NAV2: variants seen among roughly 807,000 people sequenced by gnomAD.
NAV2 encodes neuron navigator 2, also known as helicase, APC down-regulated 1.
A neutral mutation model predicts 223.2 loss-of-function variants in NAV2; 54 were observed. The ratio of observed to expected loss-of-function variants is 0.24; its 90% CI spans 0.19 to 0.30. The LOEUF is 0.30. Among genes scored for constraint, NAV2 ranks in the 10% least tolerant of loss-of-function variants. The pLI, the probability that NAV2 is intolerant of heterozygous loss-of-function variation, is 1.00. For synonymous variants in NAV2, 1,279 were observed against 1,239.3 expected, an observed-to-expected ratio of 1.03 and a Z score of -0.67; for missense variants, 2,806 against 3,147.5, an observed-to-expected ratio of 0.89 and a Z score of 2.60.
At chr11:19,413,954 C>A (rs7396646) in intron 1 of NAV2, among the ~76,000 whole-genome samples, 105,964 of 151,812 alleles carry the variant, frequency 0.7, 37,021 homozygotes, top group Admixed American at 0.72. Context: ...AATACCAGTC[C>A]CTGCAAAAAC....
At chr11:19,877,811 A>G (rs571453317) in intron 4 of NAV2, among the ~76,000 whole-genome samples, 1 of 152,180 alleles carries the variant, frequency 6.6e-6, no homozygotes, top group Non-Finnish European at 1.5e-5. Context: ...GTCACTGCCC[A>G]GTTGGGTGAC....
At chr11:19,597,800 A>G (rs2046243170) in intron 1 of NAV2, among the ~76,000 whole-genome samples, 1 of 152,204 alleles carries the variant, frequency 6.6e-6, no homozygotes, top group Admixed American at 6.5e-5. Context: ...ATGCGTGAGG[A>G]ATGTCTGCAC....
At chr11:19,802,571 G>A (rs1427352344) in intron 1 of NAV2, among the ~76,000 whole-genome samples, 2 of 152,026 alleles carry the variant, frequency 1.3e-5, no homozygotes, top group African/African-American at 4.8e-5. Context: ...AAGCAATTAG[G>A]CCTTATAGTG....
chr11:19,557,088 C>T (rs2044919305), intron 1 of NAV2, among the ~76,000 whole-genome samples: 2 of 152,062 alleles, frequency 1.3e-5, no homozygotes, highest in African/African-American at 2.4e-5. Context: ...ATTAAATAAG[C>T]AAATGAACAA....
chr11:19,750,287 A>C lies in NAV2; in HGVS notation c.267+36325A>C, dbSNP rs182432697. Among the ~76,000 whole-genome samples, 10 of 152,272 alleles carry C rather than the reference A, an allele frequency of 6.6e-5. No individual in the cohort carries two copies. In the East Asian group the frequency reaches 1.9e-3, roughly 29 times the overall value. ...TTGGCAGAAATGGCCTTCGTTTCTA[A>C]AATGTTGATTAAAGACATTTTCTGA... On this transcript the variant is annotated intron_variant, in intron 1 of 37. Coordinates refer to ENST00000349880, the MANE Select transcript of NAV2 (RefSeq NM_145117.5).
intron 10 of NAV2, among the ~76,000 whole-genome samples, chr11:19,962,621 T>C (rs1241983053): frequency 6.6e-6 from 1 of 152,216 alleles, no homozygotes; most frequent in Non-Finnish European, 1.5e-5. Context: ...ATCCCTTCCT[T>C]CGTCCCCTGG....
intron 10 of NAV2, among the ~76,000 whole-genome samples, chr11:19,951,055 G>T (rs978764045): frequency 1.3e-5 from 2 of 152,138 alleles, no homozygotes; most frequent in African/African-American, 4.8e-5. Context: ...ATTTCCTTAT[G>T]CCCAGGCTTC....
chr11:19,803,379 C>T (rs2058375926), intron 1 of NAV2, among the ~76,000 whole-genome samples: 1 of 152,212 alleles, frequency 6.6e-6, no homozygotes, highest in Non-Finnish European at 1.5e-5. Context: ...ACGCCTCACA[C>T]TGCAGAGGTT....
chr11:19,934,358 G>T, intron 7 of NAV2, 81 bp downstream of exon 7: 1 of 1,441,654 alleles, frequency 6.9e-7, no homozygotes, highest in African/African-American at 1.4e-5. Flanking sequence ...TGTAAGGGCA[G>T]AAGCTAGACT....
chr11:19,782,394 T>G (rs1432879472), intron 1 of NAV2, among the ~76,000 whole-genome samples: 2 of 152,232 alleles, frequency 1.3e-5, no homozygotes, highest in African/African-American at 4.8e-5. Flanking sequence ...AATGACATTT[T>G]GAGGTAACAC....
intron 1 of NAV2, among the ~76,000 whole-genome samples, chr11:19,782,395 G>C (rs2056817216): frequency 6.6e-6 from 1 of 152,196 alleles, no homozygotes; most frequent in African/African-American, 2.4e-5. Flanking sequence ...ATGACATTTT[G>C]AGGTAACACA....
At chr11:20,066,542 A>T (rs1362808227) in intron 20 of NAV2, among the ~76,000 whole-genome samples, 1 of 152,182 alleles carries the variant, frequency 6.6e-6, no homozygotes, top group Non-Finnish European at 1.5e-5. Context: ...TGCTAGTAGG[A>T]GCCAACCTAG....
intron 1 of NAV2, among the ~76,000 whole-genome samples, chr11:19,442,299 C>T (rs528779821): frequency 2.0e-5 from 3 of 152,238 alleles, no homozygotes; most frequent in Non-Finnish European, 1.5e-5. Context: ...TTCCTATTTC[C>T]CCTGCTCATT....
In NAV2 at chr11:19,556,852, A is replaced by G. The variant is rs191634460; in HGVS notation, c.75+205825A>G. ...AAGCCAAAATTCATAATAAATGACC[A>G]TGCTGTATTTTGGTTAGATCATGAA... On this transcript the variant is annotated intron_variant, in intron 1 of 37. Coordinates refer to the NAV2 transcript ENST00000360655. Among the ~76,000 whole-genome samples, 144 of 152,328 alleles carry G rather than the reference A, an allele frequency of 9.5e-4. 1 individual carries two copies. The highest frequency in any genetic ancestry group is 7.8e-3 in the Admixed American group (120 of 15,304).
In NAV2 at chr11:20,103,646, T is replaced by C; in HGVS notation, c.6573-7T>C. ...CACAGCTTTCTTTTCCTTTATTTTA[T>C]CCGCAGCCCTTACATAATTGGCACA... On this transcript the variant is annotated splice_polypyrimidine_tract_variant and splice_region_variant and intron_variant, in intron 33 of 37. Transcript: ENST00000349880. 1 of 1,613,928 alleles carries C rather than the reference T, an allele frequency of 6.2e-7. No individual in the cohort carries two copies. Among genetic ancestry groups the C allele is most frequent in the Non-Finnish European group, 8.5e-7 (1 of 1,179,796 alleles).
chr11:19,810,206 G>C (rs527392495), intron 1 of NAV2, among the ~76,000 whole-genome samples: 4 of 152,256 alleles, frequency 2.6e-5, no homozygotes, highest in Non-Finnish European at 5.9e-5. Context: ...ATTATTTTGA[G>C]CTTGGTCAGC....
rs553143089 is a variant in NAV2, at chr11:19,801,560, AGT to A, written c.268-30922_268-30921del. ...AAGGCAGTTTCGGCCTCCACCTGAAAGTGGAAGTATAGGGTCAGGCACATGGA... is the reference window on the plus strand; with the variant it reads ...AAGGCAGTTTCGGCCTCCACCTGAAAGGAAGTATAGGGTCAGGCACATGGA... On this transcript the variant is annotated intron_variant, in intron 1 of 37. Coordinates refer to ENST00000349880, the MANE Select transcript of NAV2 (RefSeq NM_145117.5). Among the ~76,000 whole-genome samples the A allele has an allele frequency of 5.9e-5, 9 of 152,264 alleles. No individual in the cohort carries two copies. The East Asian group carries it at 1.7e-3, about 29-fold the overall frequency.
chr11:19,657,703 G>A (rs1252636340), intron 1 of NAV2, among the ~76,000 whole-genome samples: 1 of 152,154 alleles, frequency 6.6e-6, no homozygotes, highest in Non-Finnish European at 1.5e-5. Context: ...CCCTCCAAAC[G>A]AAGATCATCT....
upstream of NAV2, among the ~76,000 whole-genome samples, chr11:19,707,918 C>T (rs994780797): frequency 3.3e-5 from 5 of 152,154 alleles, no homozygotes; most frequent in South Asian, 1.0e-3. Context: ...CAGTCATTGA[C>T]CAAAACATCA....
Sources: allele counts gnomAD v4.1 joint callset (sites outside exome capture counted in the v4.1 genomes callset), GRCh38; gene constraint gnomAD v4.1.1; transcripts MANE v1.5; gene names NCBI Gene and HGNC (gene_info 2026-07-23, HGNC 2026-07-21).